MGMT: variants seen among roughly 807,000 people sequenced by gnomAD.
MGMT encodes methylated-DNA--protein-cysteine methyltransferase.
MGMT carries 14 observed loss-of-function variants against 15.9 expected under a neutral mutation model. The ratio of observed to expected loss-of-function variants is 0.88; its 90% CI spans 0.58 to 1.37. The LOEUF (loss-of-function observed/expected upper bound fraction) is 1.37, where lower values mean the gene tolerates loss of function less well. Among genes scored for constraint, MGMT ranks in the 40% most tolerant of loss-of-function variants. The pLI is 0.00. For missense variants in MGMT, 282 were observed against 268.1 expected (o/e 1.05, Z -0.36); for synonymous variants, 130 against 118.2 (o/e 1.10, Z -0.65).
At chr10:129,507,777 AT>A (rs1845640959) in intron 1 of MGMT, among the ~76,000 whole-genome samples, 1 of 152,106 alleles carries the variant, frequency 6.6e-6, no homozygotes, top group Non-Finnish European at 1.5e-5. Flanking sequence ...CAGGGTTTTG[AT>A]TGTATTAGTT....
At chr10:129,478,722 C>G (rs1334372357) in intron 1 of MGMT, among the ~76,000 whole-genome samples, 1 of 152,214 alleles carries the variant, frequency 6.6e-6, no homozygotes, top group Non-Finnish European at 1.5e-5. Flanking sequence ...GTGCCCCTGG[C>G]ATCTGGCTTT....
chr10:129,585,722 T>C (rs1255684476), intron 2 of MGMT, among the ~76,000 whole-genome samples: 1 of 152,208 alleles, frequency 6.6e-6, no homozygotes, highest in Non-Finnish European at 1.5e-5. Flanking sequence ...GATCTGTGGT[T>C]GGTTGAGTCC....
chr10:129,708,415 C>T (rs541601574), intron 3 of MGMT, among the ~76,000 whole-genome samples: 2 of 152,168 alleles, frequency 1.3e-5, no homozygotes, highest in African/African-American at 4.8e-5. Flanking sequence ...GAGACTTGTG[C>T]GTGGACATTT....
At chr10:129,625,439 G>A (rs914388171) in intron 2 of MGMT, among the ~76,000 whole-genome samples, 1 of 152,170 alleles carries the variant, frequency 6.6e-6, no homozygotes, top group Admixed American at 6.5e-5. Context: ...ACAGACCAAT[G>A]TCTCTCATGA....
At chr10:129,475,635 C>T (rs544020811) in intron 1 of MGMT, among the ~76,000 whole-genome samples, 8 of 152,210 alleles carry the variant, frequency 5.3e-5, no homozygotes, top group East Asian at 1.9e-4. Flanking sequence ...TGTGGTTGTG[C>T]GGGGTGCGGG....
intron 2 of MGMT, among the ~76,000 whole-genome samples, chr10:129,687,847 A>C (rs558179642): frequency 0.019 from 2,533 of 135,288 alleles, 35 homozygotes; most frequent in Middle Eastern, 0.027. Flanking sequence ...TCCCTCCCCC[A>C]GCCCCCCACC....
At chr10:129,483,369 G>A (rs548803314) in intron 1 of MGMT, among the ~76,000 whole-genome samples, 1 of 151,804 alleles carries the variant, frequency 6.6e-6, no homozygotes, top group Non-Finnish European at 1.5e-5. Context: ...TCATTCCTTT[G>A]TGTAGATCCT....
chr10:129,531,303 C>T (rs1315988191), intron 1 of MGMT, among the ~76,000 whole-genome samples: 1 of 152,180 alleles, frequency 6.6e-6, no homozygotes, highest in African/African-American at 2.4e-5. Context: ...CCTGTCCAGG[C>T]CACCACTGTG....
In MGMT at chr10:129,480,945, G is replaced by A. The variant is rs528303293; in HGVS notation, c.-13+13649G>A. On this transcript the variant is annotated intron_variant, in intron 1 of 4. Transcript: ENST00000651593. ...TTTGCGGAGCCCTCCTGGTGGCAGC[G>A]TCATTCTGGTTTGTGGCAGAAGTGC... Among the ~76,000 whole-genome samples the A allele has an allele frequency of 9.8e-5, 15 of 152,330 alleles. 1 individual carries two copies. Among genetic ancestry groups the A allele is most frequent in the South Asian group, 8.3e-4 (4 of 4,834 alleles).
intron 2 of MGMT, among the ~76,000 whole-genome samples, chr10:129,548,458 C>T (rs1364643298): frequency 2.0e-5 from 3 of 152,192 alleles, no homozygotes; most frequent in Non-Finnish European, 4.4e-5. Flanking sequence ...TTTTCAGTGG[C>T]TCTGTTTGGA....
In MGMT at chr10:129,533,252, TC is replaced by T. The variant is rs1845951696; in HGVS notation, c.-12-2988del. On this transcript the variant is annotated intron_variant, in intron 1 of 4. Transcript: ENST00000651593. The surrounding 1 kb of genome is among the most constrained non-coding windows in gnomAD (Gnocchi z 4.5). Reference sequence around the variant, plus strand: ...CTGCTCCTCCAGCCTTCCCAGAAGTTCTTTGAGTTGTGGAGTAGCCTTTCAG... The same window carrying T: ...CTGCTCCTCCAGCCTTCCCAGAAGTTTTTGAGTTGTGGAGTAGCCTTTCAG... 6.6e-6 allele frequency among the ~76,000 whole-genome samples: 1 copy of T among 152,224 alleles called. No individual in the cohort carries two copies. The highest frequency in any genetic ancestry group is 1.5e-5 in the Non-Finnish European group (1 of 68,042).
chr10:129,652,777 C>T (rs1296125454), intron 2 of MGMT, among the ~76,000 whole-genome samples: 1 of 152,250 alleles, frequency 6.6e-6, no homozygotes, highest in Non-Finnish European at 1.5e-5. Context: ...CTGTTGGATT[C>T]CCTGCCATGC....
At chr10:129,746,468 T>C (rs1848697686) in intron 3 of MGMT, among the ~76,000 whole-genome samples, 1 of 152,042 alleles carries the variant, frequency 6.6e-6, no homozygotes, top group Non-Finnish European at 1.5e-5. Flanking sequence ...AAATCTATGA[T>C]ATATTTTGAG....
At position 129,616,198 on chromosome 10, in the gene MGMT, C is replaced by G. The variant is rs776613546; in HGVS notation, c.125+79821C>G. ...CGGCGATTGGATTGGAGAACGGAGG[C>G]TCCCACCTGGCTCACATACTCCTAC... On this transcript the variant is annotated intron_variant, in intron 2 of 4. Coordinates refer to ENST00000651593, the MANE Select transcript of MGMT (RefSeq NM_002412.5). Among the ~76,000 whole-genome samples the G allele has an allele frequency of 5.1e-4, 78 of 152,342 alleles. 1 individual carries two copies. The highest frequency in any genetic ancestry group is 9.7e-4 in the Non-Finnish European group (66 of 68,026).
intron 3 of MGMT, among the ~76,000 whole-genome samples, chr10:129,758,685 G>A (rs1848834844): frequency 4.6e-5 from 7 of 152,218 alleles, no homozygotes; most frequent in Admixed American, 3.9e-4. Context: ...GTACTGTGGT[G>A]CTTGGCACTC....
At chr10:129,699,931 G>C (rs548354059) in intron 2 of MGMT, among the ~76,000 whole-genome samples, 1 of 151,942 alleles carries the variant, frequency 6.6e-6, no homozygotes, top group African/African-American at 2.4e-5. Flanking sequence ...TAAGTGGGAG[G>C]CCCTCTTGTA....
chr10:129,529,080 A>G lies in MGMT; in HGVS notation c.-12-7161A>G, dbSNP rs146188231. 3.5e-3 allele frequency among the ~76,000 whole-genome samples: 530 copies of G among 151,990 alleles called. 6 individuals are homozygous for G. The highest frequency in any genetic ancestry group is 0.012 in the African/African-American group (514 of 41,456). On this transcript the variant is annotated intron_variant, in intron 1 of 4. Transcript: ENST00000651593. ...ACGTCTGAGCATGGTTGTGAGTGAG[A>G]TGACAGTGGCCACTGTGCAGGCTGG...
chr10:129,471,929 A>G lies in MGMT; in HGVS notation c.-13+4633A>G, dbSNP rs115759913. Among the ~76,000 whole-genome samples the G allele has an allele frequency of 7.6e-3, 1,164 of 152,256 alleles. 14 individuals are homozygous for G. Among genetic ancestry groups the G allele is most frequent in the African/African-American group, 0.027 (1,101 of 41,544 alleles). On this transcript the variant is annotated intron_variant, in intron 1 of 4. Transcript: ENST00000651593. ...CTCCTGAGAGACGTGAATCTCTTCA[A>G]ATTGCAAACCCAACATGTTATTATT...
At chr10:129,580,304 C>T (rs190347878) in intron 2 of MGMT, among the ~76,000 whole-genome samples, 43 of 152,234 alleles carry the variant, frequency 2.8e-4, no homozygotes, top group Admixed American at 8.5e-4. Flanking sequence ...CCTTGGAAGT[C>T]GGCTTAAATG....
Sources: allele counts gnomAD v4.1 joint callset (sites outside exome capture counted in the v4.1 genomes callset), GRCh38; gene constraint gnomAD v4.1.1; non-coding constraint Gnocchi (gnomAD v3.1); transcripts MANE v1.5; gene names NCBI Gene and HGNC (gene_info 2026-07-23, HGNC 2026-07-21).